The following MCF2L variants were observed in gnomAD, a reference collection of about 807,000 sequenced individuals.
MCF2L encodes MCF.2 cell line derived transforming sequence like.
In MCF2L, 97 loss-of-function variants were observed where a neutral mutation model predicts 153.4. The ratio of observed to expected loss-of-function variants is 0.63; its 90% CI spans 0.54 to 0.75. MCF2L has a LOEUF of 0.75. Ranked by LOEUF, MCF2L falls within the 30% of genes least tolerant of loss-of-function variation. The probability of loss-of-function intolerance (pLI) is 0.00; values close to 1 mark genes in which losing one functional copy is unlikely to be tolerated. For synonymous variants in MCF2L, 659 were observed against 632.2 expected, an observed-to-expected ratio of 1.04 and a Z score of -0.64; for missense variants, 1,347 against 1,495.2, an observed-to-expected ratio of 0.90 and a Z score of 1.64.
chr13:113,025,959 A>G (rs1288132420), intron 3 of MCF2L, among the ~76,000 whole-genome samples: 395 of 23,936 alleles, frequency 0.017, 19 homozygotes, highest in African/African-American at 0.034. Context: ...TTTCCCCGTC[A>G]TGGGGTCCCC....
chr13:112,970,487 C>T (rs2082002642), intron 1 of MCF2L, among the ~76,000 whole-genome samples: 1 of 152,172 alleles, frequency 6.6e-6, no homozygotes, highest in Non-Finnish European at 1.5e-5. Context: ...AAACCATTTT[C>T]ATGCCGTCTG....
intron 1 of MCF2L, chr13:113,001,727 C>G: frequency 7.4e-7 from 1 of 1,360,096 alleles, no homozygotes; most frequent in Non-Finnish European, 9.4e-7. Context: ...GACATCGAAT[C>G]GGAGGCCCTG....
Position 113,092,661 on chromosome 13 carries a change from C to T in MCF2L, c.2954-1853C>T, listed in dbSNP as rs536818610. Among the ~76,000 whole-genome samples, 15 of 152,382 alleles carry T rather than the reference C, an allele frequency of 9.8e-5. No individual in the cohort carries two copies. In the South Asian group the frequency reaches 2.1e-3, roughly 21 times the overall value. ...AGAGGGCACCTTCCTGGCCATCACCCGGCCTCCTGCCTTCACACAGAATCC... is the reference window on the plus strand; with the variant it reads ...AGAGGGCACCTTCCTGGCCATCACCTGGCCTCCTGCCTTCACACAGAATCC... On this transcript the variant is annotated intron_variant, in intron 26 of 29. Transcript: ENST00000535094.
Position 113,064,592 on chromosome 13 carries a change from A to G in MCF2L, c.606+172A>G, listed in dbSNP as rs1594902096. ...TGGACCTTAGTCATTGTAAAGAAGTAACGTGAGTCATAAGTTTGGGAGTGG... is the reference window on the plus strand; with the variant it reads ...TGGACCTTAGTCATTGTAAAGAAGTGACGTGAGTCATAAGTTTGGGAGTGG... On this transcript the variant is annotated intron_variant, in intron 6 of 29. Coordinates refer to ENST00000535094, the MANE Select transcript of MCF2L (RefSeq NM_001112732.3). This position sits in a 1 kb window ranked among gnomAD's most constrained non-coding sequence, Gnocchi z 6.0. 3.3e-6 allele frequency: 2 copies of G among 600,314 alleles called. No homozygotes were observed. The highest frequency in any genetic ancestry group is 5.5e-5 in the East Asian group (2 of 36,070). 37.2% of individuals were successfully genotyped at this position (600,314 alleles called of 1,614,324 possible).
At chr13:113,055,837 G>A (rs1022450584) in intron 4 of MCF2L, among the ~76,000 whole-genome samples, 2 of 152,208 alleles carry the variant, frequency 1.3e-5, no homozygotes, top group Admixed American at 1.3e-4. Context: ...TCCAGGCGTC[G>A]TGTGAGATGG....
chr13:112,969,175 C>T (rs1455318559), upstream of MCF2L: 1 of 638,428 alleles, frequency 1.6e-6, no homozygotes, highest in South Asian at 7.6e-5. This position sits in a 1 kb window ranked among gnomAD's most constrained non-coding sequence, Gnocchi z 4.8. Context: ...AGCCGCCCCC[C>T]GCCCCCCGCG....
At chr13:113,007,055 C>T (rs2083752682) in intron 1 of MCF2L, among the ~76,000 whole-genome samples, 1 of 152,184 alleles carries the variant, frequency 6.6e-6, no homozygotes, top group Non-Finnish European at 1.5e-5. Flanking sequence ...GTCTCTCAGA[C>T]AGTGGCTCTC....
At chr13:113,014,064 G>A (rs1228600401) in intron 1 of MCF2L, among the ~76,000 whole-genome samples, 3 of 152,126 alleles carry the variant, frequency 2.0e-5, no homozygotes, top group African/African-American at 4.8e-5. Context: ...CCGAGCTGAC[G>A]CTGGCCTAGT....
intron 2 of MCF2L, among the ~76,000 whole-genome samples, chr13:112,908,232 T>C (rs2081191940): frequency 6.6e-6 from 1 of 152,168 alleles, no homozygotes; most frequent in Non-Finnish European, 1.5e-5. Context: ...GTGCTCTGAC[T>C]CACCAGGGCT....
At position 113,053,093 on chromosome 13, in the gene MCF2L, G is replaced by A. The variant is rs532559530; in HGVS notation, c.370-7500G>A. ...CTCTGCCATCGTGTCAGTTCATCCC[G>A]GATTGCTGACATGGTGTCTCCTGAG... On this transcript the variant is annotated intron_variant, in intron 4 of 29. Coordinates refer to ENST00000535094, the MANE Select transcript of MCF2L (RefSeq NM_001112732.3). The surrounding 1 kb of genome is among the most constrained non-coding windows in gnomAD (Gnocchi z 4.4). Among the ~76,000 whole-genome samples, 4 of 152,172 alleles carry A rather than the reference G, an allele frequency of 2.6e-5. No homozygotes were observed. Among genetic ancestry groups the A allele is most frequent in the South Asian group, 2.1e-4 (1 of 4,812 alleles).
intron 26 of MCF2L, among the ~76,000 whole-genome samples, chr13:113,093,195 G>A (rs540367255): frequency 1.4e-4 from 22 of 152,374 alleles, no homozygotes; most frequent in East Asian, 5.8e-4. Flanking sequence ...CACCCTTGCT[G>A]TCTCTCAGCC....
chr13:112,984,247 T>C (rs910337661), intron 1 of MCF2L, among the ~76,000 whole-genome samples: 3 of 152,100 alleles, frequency 2.0e-5, no homozygotes, highest in African/African-American at 7.2e-5. Flanking sequence ...CTCCTTTTTT[T>C]TTTTTTGAGA....
upstream of MCF2L, chr13:112,965,782 G>A (rs1289933692): frequency 2.0e-5 from 3 of 152,230 alleles, no homozygotes; most frequent in African/African-American, 4.8e-5. Flanking sequence ...TTGGTATCCA[G>A]GTGTCGCTTT....
rs868243771 is a variant in MCF2L at position 112,907,021 on chromosome 13, C to T, written c.169+4650C>T. On this transcript the variant is annotated intron_variant, in intron 2 of 29. Transcript: ENST00000375608. The surrounding 1 kb of genome is among the most constrained non-coding windows in gnomAD (Gnocchi z 5.1). ...GCAGCGAAGAAACAGACACATTTGC[C>T]GCCTTGGGTGGAGTCGCGACATTGC... 2.6e-5 allele frequency among the ~76,000 whole-genome samples: 4 copies of T among 152,280 alleles called. No individual in the cohort carries two copies. The highest frequency in any genetic ancestry group is 4.4e-5 in the Non-Finnish European group (3 of 68,030).
chr13:112,992,313 GAGAT>G (rs1208681176), intron 1 of MCF2L, among the ~76,000 whole-genome samples: 1 of 152,174 alleles, frequency 6.6e-6, no homozygotes, highest in Non-Finnish European at 1.5e-5. Context: ...CAGCCTGTAG[GAGAT>G]ACTTGGCCAT....
chr13:112,896,271 G>GCC (rs201395812), intron 1 of MCF2L, among the ~76,000 whole-genome samples: 2 of 151,800 alleles, frequency 1.3e-5, no homozygotes, highest in African/African-American at 4.9e-5. Flanking sequence ...TCTCTTCACC[G>GCC]CCCCCCCGAG....
At chr13:112,947,368 A>G (rs2081648533) in intron 2 of MCF2L, among the ~76,000 whole-genome samples, 1 of 152,074 alleles carries the variant, frequency 6.6e-6, no homozygotes, top group South Asian at 2.1e-4. Context: ...TCCAACACCA[A>G]CTCAAAAATC....
At chr13:113,006,367 C>T (rs1049600595) in intron 1 of MCF2L, among the ~76,000 whole-genome samples, 8 of 152,304 alleles carry the variant, frequency 5.3e-5, no homozygotes, top group Middle Eastern at 3.4e-3. Flanking sequence ...CCTAGGTCCT[C>T]GCGAGGACTC....
chr13:113,090,002 C>T (rs1566880823), intron 26 of MCF2L: 1 of 1,599,142 alleles, frequency 6.3e-7, no homozygotes. Context: ...CTCCCTGCGA[C>T]AGCCGGACCC....
Sources: gnomAD v4.1 joint callset for allele counts (sites outside exome capture counted in the v4.1 genomes callset) on GRCh38, gnomAD v4.1.1 for gene constraint, Gnocchi (gnomAD v3.1) non-coding constraint, MANE v1.5 for transcripts, NCBI Gene and HGNC (gene_info 2026-07-23, HGNC 2026-07-21) for gene names.